Variants in RABGEF1 observed in about 807,000 individuals in gnomAD.
RABGEF1 encodes the protein RAB guanine nucleotide exchange factor 1.
In RABGEF1, 26 loss-of-function variants were observed where a neutral mutation model predicts 57.3. The ratio of observed to expected loss-of-function variants is 0.45; its 90% CI spans 0.33 to 0.63. RABGEF1 has a LOEUF of 0.63. Among genes scored for constraint, RABGEF1 ranks in the 20% least tolerant of loss-of-function variants. The pLI, the probability that RABGEF1 is intolerant of heterozygous loss-of-function variation, is 0.02. For missense variants in RABGEF1, 464 were observed against 607.6 expected (o/e 0.76, Z 2.48); for synonymous variants, 185 against 210.7 (o/e 0.88, Z 1.06).
chr7:66,673,973 C>T, the RABGEF1 span, among the ~76,000 whole-genome samples: 28 of 152,292 alleles, frequency 1.8e-4, no homozygotes, highest in African/African-American at 5.3e-4. Context: ...AGCCCTGGAA[C>T]GAGTTCGTTC....
At chr7:66,785,215 T>G (rs1270060817) in intron 4 of RABGEF1, among the ~76,000 whole-genome samples, 1 of 152,230 alleles carries the variant, frequency 6.6e-6, no homozygotes, top group East Asian at 1.9e-4. Context: ...AATGCCTATT[T>G]GTAAGGCATC....
At position 66,753,701 on chromosome 7, in the gene RABGEF1, G is replaced by GTTTTTTTTTTT. The variant is rs1224800315; in HGVS notation, c.-18+12922_-18+12932dup. ...ATCTGAAAATGTCTATTTTGCCATC[G>GTTTTTTTTTTT]TTTTTTTTTTTTTTTTTTTTTTTGA... On this transcript the variant is annotated intron_variant, in intron 1 of 8. Coordinates refer to ENST00000284957, the MANE Select transcript of RABGEF1 (RefSeq NM_014504.3). Among the ~76,000 whole-genome samples the GTTTTTTTTTTT allele has an allele frequency of 3.2e-3, 253 of 78,766 alleles. 29 individuals carry two copies. Among genetic ancestry groups the GTTTTTTTTTTT allele is most frequent in the East Asian group, 7.9e-3 (16 of 2,016 alleles). The allele number at this position is 78,766 out of a possible 152,430, so 51.7% of individuals were successfully genotyped here. A position where few individuals can be genotyped will look rare whatever the true frequency, so the allele number is the denominator to read the frequency against.
chr7:66,679,888 A>G (rs1003717493), upstream of RABGEF1, among the ~76,000 whole-genome samples: 3 of 152,122 alleles, frequency 2.0e-5, no homozygotes, highest in Non-Finnish European at 4.4e-5. Flanking sequence ...GCTCTACCCC[A>G]AAAACTAGCT....
At chr7:66,807,154 A>T (rs1404972048) in intron 8 of RABGEF1, among the ~76,000 whole-genome samples, 1 of 152,192 alleles carries the variant, frequency 6.6e-6, no homozygotes, top group African/African-American at 2.4e-5. Context: ...TGGCTTGCAC[A>T]CACTTAGCAG....
the RABGEF1 span, among the ~76,000 whole-genome samples, chr7:66,668,237 A>G: frequency 3.3e-5 from 5 of 152,164 alleles, no homozygotes; most frequent in Non-Finnish European, 7.3e-5. Context: ...AGCTGGGACC[A>G]TACACCACCA....
the RABGEF1 span, among the ~76,000 whole-genome samples, chr7:66,665,679 C>CG: frequency 6.6e-6 from 1 of 152,168 alleles, no homozygotes; most frequent in Non-Finnish European, 1.5e-5. Context: ...CGGCAAATGT[C>CG]GGTCCCTTTC....
chr7:66,765,795 GGGGGAC>G (rs1805551671), intron 1 of RABGEF1, among the ~76,000 whole-genome samples: 3 of 152,102 alleles, frequency 2.0e-5, no homozygotes, highest in Non-Finnish European at 4.4e-5. Flanking sequence ...ATCCTGAATT[GGGGGAC>G]CATTCACCTT....
chr7:66,713,289 C>T (rs139822161), intron 2 of RABGEF1, among the ~76,000 whole-genome samples: 2,280 of 151,948 alleles, frequency 0.015, 62 homozygotes, highest in East Asian at 0.093. Flanking sequence ...CTACAGGTGC[C>T]CGCCACCATG....
intron 4 of RABGEF1, among the ~76,000 whole-genome samples, chr7:66,787,624 A>G (rs1358967173): frequency 1.3e-5 from 2 of 152,090 alleles, no homozygotes; most frequent in Non-Finnish European, 2.9e-5. Flanking sequence ...GGATTACAGG[A>G]TTGAGCCACA....
At chr7:66,789,288 C>T (rs1397478245) in intron 4 of RABGEF1, among the ~76,000 whole-genome samples, 1 of 152,024 alleles carries the variant, frequency 6.6e-6, no homozygotes, top group Non-Finnish European at 1.5e-5. Context: ...CAACCCAGGA[C>T]CTAATTTTAA....
At chr7:66,800,133 T>C (rs1352728713) in intron 7 of RABGEF1, among the ~76,000 whole-genome samples, 4 of 152,214 alleles carry the variant, frequency 2.6e-5, no homozygotes, top group African/African-American at 7.2e-5. Flanking sequence ...TTAATGAAAT[T>C]CTATTGGAAA....
chr7:66,672,949 C>T, the RABGEF1 span, among the ~76,000 whole-genome samples: 1 of 148,882 alleles, frequency 6.7e-6, no homozygotes, highest in Non-Finnish European at 1.5e-5. Flanking sequence ...AAGTGCCGGC[C>T]CCAGCTAGCA....
At chr7:66,733,849 A>G (rs1797624445) in intron 2 of RABGEF1, among the ~76,000 whole-genome samples, 1 of 152,098 alleles carries the variant, frequency 6.6e-6, no homozygotes, top group South Asian at 2.1e-4. Context: ...CCAAAAATAT[A>G]AAAAAATTAG....
At chr7:66,723,998 T>C (rs1263615193) in intron 2 of RABGEF1, among the ~76,000 whole-genome samples, 2 of 152,278 alleles carry the variant, frequency 1.3e-5, no homozygotes, top group Non-Finnish European at 2.9e-5. Context: ...CTTTTTCCTT[T>C]AGCCTGAAAT....
intron 2 of RABGEF1, among the ~76,000 whole-genome samples, chr7:66,734,258 A>G (rs1474580740): frequency 6.6e-6 from 1 of 152,114 alleles, no homozygotes; most frequent in African/African-American, 2.4e-5. Flanking sequence ...TCGGTGTCTG[A>G]TGGAGGCAAC....
intron 1 of RABGEF1, chr7:66,770,377 G>A (rs1400462063): frequency 6.6e-6 from 1 of 152,198 alleles, no homozygotes; most frequent in East Asian, 1.9e-4. Context: ...AACGGAAATT[G>A]TTGCATAGCG....
chr7:66,734,113 CAT>C (rs1797658486), intron 2 of RABGEF1, among the ~76,000 whole-genome samples: 1 of 152,232 alleles, frequency 6.6e-6, no homozygotes, highest in Non-Finnish European at 1.5e-5. Context: ...GGGACACATT[CAT>C]TCATTTCTCC....
At chr7:66,789,499 G>A (rs1388450109) in intron 4 of RABGEF1, among the ~76,000 whole-genome samples, 1 of 151,860 alleles carries the variant, frequency 6.6e-6, no homozygotes, top group Non-Finnish European at 1.5e-5. Context: ...TGGCTAACAC[G>A]GTGAAACCCC....
chr7:66,793,831 G>A (rs1813334872), intron 4 of RABGEF1, among the ~76,000 whole-genome samples: 1 of 152,206 alleles, frequency 6.6e-6, no homozygotes, highest in Admixed American at 6.5e-5. Flanking sequence ...TAAGCCAGAT[G>A]GTCAGACTGC....
Sources: gnomAD v4.1 joint callset for allele counts (sites outside exome capture counted in the v4.1 genomes callset) on GRCh38, gnomAD v4.1.1 for gene constraint, MANE v1.5 for transcripts, NCBI Gene and HGNC (gene_info 2026-07-23, HGNC 2026-07-21) for gene names.